Variants in RNF17 observed in about 807,000 individuals in gnomAD.
RNF17 encodes the protein ring finger protein 17, also known as spermatogenesis associated 23.
A neutral mutation model predicts 200.5 loss-of-function variants in RNF17; 31 were observed. That is an observed-to-expected ratio of 0.15 (90% CI 0.12 to 0.21). The LOEUF is 0.21. Among genes scored for constraint, RNF17 ranks in the 10% least tolerant of loss-of-function variants. The pLI is 1.00. For synonymous variants in RNF17, 606 were observed against 637.8 expected (o/e 0.95, Z 0.75); for missense variants, 1,628 against 1,905.1 (o/e 0.85, Z 2.71).
At chr13:24,809,998 CTG>C (rs1476139912) in intron 15 of RNF17, among the ~76,000 whole-genome samples, 7 of 152,114 alleles carry the variant, frequency 4.6e-5, no homozygotes, top group African/African-American at 1.7e-4. Flanking sequence ...GCACTGTCAT[CTG>C]AGAGATAGTT....
chr13:24,883,356 G>A, downstream of RNF17: 1 of 1,606,390 alleles, frequency 6.2e-7, no homozygotes, highest in South Asian at 1.1e-5. Flanking sequence ...AACTCTATGA[G>A]TTTGTTGCCA....
intron 16 of RNF17, among the ~76,000 whole-genome samples, chr13:24,828,619 A>G (rs1039960467): frequency 2.1e-5 from 3 of 143,270 alleles, no homozygotes; most frequent in African/African-American, 6.0e-5. Context: ...CTATAGTTGT[A>G]TCACAATTTT....
intron 17 of RNF17, among the ~76,000 whole-genome samples, chr13:24,831,211 C>A (rs1566193472): frequency 6.6e-6 from 1 of 151,840 alleles, no homozygotes. Flanking sequence ...GAGGCCGAGG[C>A]GGGGGGATCA....
chr13:24,797,709 TGTG>T (rs1884759591), intron 11 of RNF17, among the ~76,000 whole-genome samples: 1 of 146,046 alleles, frequency 6.8e-6, no homozygotes, highest in Admixed American at 6.8e-5. Context: ...ACAAAGAGTG[TGTG>T]TGTGTGTGTG....
chr13:24,749,853 G>C, the RNF17 span, among the ~76,000 whole-genome samples: 2 of 152,170 alleles, frequency 1.3e-5, no homozygotes, highest in African/African-American at 4.8e-5. Context: ...AGGTTCAAAC[G>C]ATTCTTGTGC....
At chr13:24,848,083 TATTTCACTTAATCCTA>T (rs1891449924) in intron 22 of RNF17, among the ~76,000 whole-genome samples, 1 of 152,220 alleles carries the variant, frequency 6.6e-6, no homozygotes, top group Non-Finnish European at 1.5e-5. Flanking sequence ...TTAAAGACAC[TATTTCACTTAATCCTA>T]ACAACAAACC....
chr13:24,784,253 C>G (rs1882803674), intron 6 of RNF17, among the ~76,000 whole-genome samples: 2 of 152,136 alleles, frequency 1.3e-5, no homozygotes, highest in Non-Finnish European at 2.9e-5. Flanking sequence ...TCTTACTATG[C>G]TGTTGAATTT....
chr13:24,752,619 A>G, the RNF17 span, among the ~76,000 whole-genome samples: 4 of 152,224 alleles, frequency 2.6e-5, no homozygotes. Context: ...TAATTAAAGG[A>G]TGTCATTTGG....
rs57755622 is a variant in RNF17, at chr13:24,764,888, GGTGTGTGTGTGTGTGTGTGT to G, written c.130+572_130+591del. On this transcript the variant is annotated intron_variant, in intron 1 of 35. Transcript: ENST00000255324. The stretch of plus-strand genomic sequence containing the variant: ...ATAGTTTCTTTTGTGCACCTTGTGG[GGTGTGTGTGTGTGTGTGTGT>G]GTGTGTGTGTGTGTGTTGGTCTTTA... Among the ~76,000 whole-genome samples the G allele has an allele frequency of 3.0e-5, 4 of 134,174 alleles. No individual in the cohort carries two copies. In the South Asian group the frequency reaches 7.8e-4, roughly 26 times the overall value. The allele number at this position is 134,174 out of a possible 152,430, so 88.0% of individuals were successfully genotyped here. A position where few individuals can be genotyped will look rare whatever the true frequency, so the allele number is the denominator to read the frequency against.
intron 30 of RNF17, 44 bp downstream of exon 30, chr13:24,866,247 T>A (rs1242651412): frequency 5.8e-6 from 6 of 1,033,930 alleles, no homozygotes; most frequent in Non-Finnish European, 9.0e-6. Flanking sequence ...GACACTTCAT[T>A]AATAAAAAGG....
intron 15 of RNF17, among the ~76,000 whole-genome samples, chr13:24,818,444 T>G (rs1040817360): frequency 6.6e-6 from 1 of 152,198 alleles, no homozygotes; most frequent in African/African-American, 2.4e-5. Flanking sequence ...ATTGATACTC[T>G]GTCTGGATGT....
chr13:24,863,212 C>T (rs1011011829), intron 28 of RNF17, among the ~76,000 whole-genome samples: 1 of 152,180 alleles, frequency 6.6e-6, no homozygotes, highest in South Asian at 2.1e-4. Context: ...AGGCAAAAAC[C>T]TAAAACATTT....
chr13:24,821,765 C>T (rs1345168774), intron 15 of RNF17, among the ~76,000 whole-genome samples: 1 of 152,098 alleles, frequency 6.6e-6, no homozygotes, highest in Non-Finnish European at 1.5e-5. Flanking sequence ...TCTTTGTTTT[C>T]CCTTAACCCT....
chr13:24,881,597 T>C (rs1424943578), downstream of RNF17, among the ~76,000 whole-genome samples: 1 of 151,586 alleles, frequency 6.6e-6, no homozygotes, highest in Admixed American at 6.6e-5. Context: ...TATATAGATA[T>C]ATCTATCTAG....
intron 18 of RNF17, among the ~76,000 whole-genome samples, chr13:24,833,450 G>T (rs567203412): frequency 6.6e-6 from 1 of 152,236 alleles, no homozygotes; most frequent in South Asian, 2.1e-4. Context: ...AAGACCTCTT[G>T]GTCCTTGAAC....
chr13:24,841,770 C>A (rs939248719), intron 18 of RNF17, among the ~76,000 whole-genome samples: 3 of 152,018 alleles, frequency 2.0e-5, no homozygotes, highest in African/African-American at 7.2e-5. Flanking sequence ...ACCAGCCTGG[C>A]CAACATGGTG....
At chr13:24,781,026 T>A (rs1159237487) in intron 5 of RNF17, among the ~76,000 whole-genome samples, 1 of 152,212 alleles carries the variant, frequency 6.6e-6, no homozygotes. Flanking sequence ...TAGTTGCTTC[T>A]AAAATACATT....
chr13:24,883,161 G>T, downstream of RNF17: 1 of 1,608,712 alleles, frequency 6.2e-7, no homozygotes, highest in Non-Finnish European at 8.5e-7. Context: ...GTTACTTCAT[G>T]ATCACATGAG....
intron 27 of RNF17, among the ~76,000 whole-genome samples, chr13:24,862,316 C>T (rs1335448128): frequency 6.6e-6 from 1 of 152,196 alleles, no homozygotes; most frequent in East Asian, 1.9e-4. Flanking sequence ...TCACTTCTCA[C>T]CATGTGAACC....
Sources: allele counts gnomAD v4.1 joint callset (sites outside exome capture counted in the v4.1 genomes callset), GRCh38; gene constraint gnomAD v4.1.1; transcripts MANE v1.5; gene names NCBI Gene and HGNC (gene_info 2026-07-23, HGNC 2026-07-21).